SMG6: variants seen among roughly 807,000 people sequenced by gnomAD.
SMG6 encodes the protein telomerase-binding protein EST1A.
In SMG6, 66 loss-of-function variants were observed where a neutral mutation model predicts 142.2. The ratio of observed to expected loss-of-function variants is 0.46; its 90% CI spans 0.38 to 0.57. The LOEUF is 0.57. Among genes scored for constraint, SMG6 ranks in the 20% least tolerant of loss-of-function variants. SMG6 has a pLI of 0.00. For missense variants in SMG6, 1,793 were observed against 1,832.0 expected (o/e 0.98, Z 0.39); for synonymous variants, 779 against 702.4 (o/e 1.11, Z -1.72).
intron 13 of SMG6, among the ~76,000 whole-genome samples, chr17:2,156,775 C>T (rs916458348): frequency 3.9e-5 from 6 of 152,222 alleles, no homozygotes; most frequent in Non-Finnish European, 5.9e-5. Context: ...CCACTTCAGC[C>T]TCCAAGTAGC....
chr17:2,136,579 T>C (rs1464798002), intron 13 of SMG6, among the ~76,000 whole-genome samples: 3 of 152,118 alleles, frequency 2.0e-5, no homozygotes, highest in African/African-American at 7.2e-5. Context: ...TAGACACATA[T>C]GTTCAACACA....
intron 10 of SMG6, chr17:2,236,109 T>C (rs2073643342): frequency 6.4e-6 from 1 of 157,146 alleles, no homozygotes. Context: ...AAACAGCTAT[T>C]CCCAATCCCT....
In SMG6 at chr17:2,219,806, A is replaced by T. The variant is rs1177014501; in HGVS notation, c.2869+16686T>A. Among the ~76,000 whole-genome samples the T allele has an allele frequency of 1.3e-3, 77 of 59,794 alleles. No homozygotes were observed. In the South Asian group the frequency reaches 0.03, roughly 23 times the overall value. The allele number at this position is 59,794 out of a possible 152,430, so 39.2% of individuals were successfully genotyped here. Reference sequence around the variant, plus strand: ...GACACAGAACAAGACCCTTTATCAAAAAAAAAAAAAAAAAAGAAAAGAAAA... The same window carrying T: ...GACACAGAACAAGACCCTTTATCAATAAAAAAAAAAAAAAAGAAAAGAAAA... On this transcript the variant is annotated intron_variant, in intron 10 of 18. Coordinates refer to ENST00000263073, the MANE Select transcript of SMG6 (RefSeq NM_017575.5).
chr17:2,249,034 C>T (rs1567716791), intron 8 of SMG6, among the ~76,000 whole-genome samples: 1 of 151,820 alleles, frequency 6.6e-6, no homozygotes, highest in East Asian at 1.9e-4. Flanking sequence ...CTACAGGCGC[C>T]CGCCACCACG....
intron 8 of SMG6, among the ~76,000 whole-genome samples, chr17:2,258,716 T>C (rs551695458): frequency 1.3e-5 from 2 of 151,386 alleles, no homozygotes; most frequent in African/African-American, 4.9e-5. Flanking sequence ...GAGGATTGCT[T>C]GAGCCCAGGA....
At position 2,061,167 on chromosome 17, in the gene SMG6, A is replaced by G. The variant is rs765427630; in HGVS notation, c.*325T>C. 6 of 249,762 alleles carry G rather than the reference A, an allele frequency of 2.4e-5. No homozygotes were observed. The highest frequency in any genetic ancestry group is 8.9e-5 in the African/African-American group (4 of 44,848). The allele number at this position is 249,762 out of a possible 1,614,324, so 15.5% of individuals were successfully genotyped here. A position where few individuals can be genotyped will look rare whatever the true frequency, so the allele number is the denominator to read the frequency against. ...TCCCCAGGCGAGAAGGCCCTCCCTC[A>G]GCCTTGGAATGAGACGGGGGAGGGA... On this transcript the variant is annotated 3_prime_UTR_variant, in exon 19 of 19. Coordinates refer to ENST00000263073, the MANE Select transcript of SMG6 (RefSeq NM_017575.5).
chr17:2,205,309 T>C (rs1567681731), intron 10 of SMG6, among the ~76,000 whole-genome samples: 1 of 152,138 alleles, frequency 6.6e-6, no homozygotes, highest in Non-Finnish European at 1.5e-5. Context: ...CCTCAAGTGA[T>C]CCGTCCATCT....
intron 13 of SMG6, among the ~76,000 whole-genome samples, chr17:2,108,118 C>A (rs912672235): frequency 6.6e-6 from 1 of 151,760 alleles, no homozygotes; most frequent in Non-Finnish European, 1.5e-5. Flanking sequence ...ATAATGGCAA[C>A]AGCTAAGTGG....
chr17:2,149,468 C>G (rs751390498), intron 13 of SMG6, among the ~76,000 whole-genome samples: 5 of 151,812 alleles, frequency 3.3e-5, no homozygotes, highest in African/African-American at 4.8e-5. Flanking sequence ...ATCTCTCTTC[C>G]TAACTCCTCA....
rs144178335 is a variant in SMG6, at chr17:2,164,798, G to A, written c.3357+7860C>T. Reference sequence around the variant, plus strand: ...CTAAAAACACAAAAATTAGCCAGGCGTGGTGACGCGTGCCTGTAGTCCCAG... The same window carrying A: ...CTAAAAACACAAAAATTAGCCAGGCATGGTGACGCGTGCCTGTAGTCCCAG... On this transcript the variant is annotated intron_variant, in intron 13 of 18. Transcript: ENST00000263073. Among the ~76,000 whole-genome samples, 27 of 151,834 alleles carry A rather than the reference G, an allele frequency of 1.8e-4. No individual in the cohort carries two copies. The East Asian group carries it at 4.5e-3, about 25-fold the overall frequency.
chr17:2,168,372 G>A (rs182215285), intron 13 of SMG6, among the ~76,000 whole-genome samples: 4 of 151,820 alleles, frequency 2.6e-5, no homozygotes, highest in South Asian at 2.1e-4. Context: ...TAGTAGAGAC[G>A]GGATTTCACT....
intron 10 of SMG6, among the ~76,000 whole-genome samples, chr17:2,200,712 T>G (rs1236036564): frequency 6.6e-6 from 1 of 152,036 alleles, no homozygotes; most frequent in Non-Finnish European, 1.5e-5. Context: ...TAATTTAATT[T>G]TATTTATTTA....
At chr17:2,149,525 G>A (rs1237485247) in intron 13 of SMG6, among the ~76,000 whole-genome samples, 1 of 152,068 alleles carries the variant, frequency 6.6e-6, no homozygotes, top group African/African-American at 2.4e-5. Flanking sequence ...TTCTGGTATT[G>A]ACAACACAAG....
rs907648392 is a variant in SMG6 at position 2,085,163 on chromosome 17, G to A, written c.3534+562C>T. ...ACACAGACGCGCACACACACACACAGACACACACACACGAGTCTGGAGTGA... is the reference window on the plus strand; with the variant it reads ...ACACAGACGCGCACACACACACACAAACACACACACACGAGTCTGGAGTGA... On this transcript the variant is annotated intron_variant, in intron 14 of 18. Transcript: ENST00000263073. The surrounding 1 kb of genome is among the most constrained non-coding windows in gnomAD (Gnocchi z 4.1). 1.1e-4 allele frequency among the ~76,000 whole-genome samples: 16 copies of A among 151,640 alleles called. No homozygotes were observed. Among genetic ancestry groups the A allele is most frequent in the African/African-American group, 3.9e-4 (16 of 41,240 alleles).
intron 13 of SMG6, among the ~76,000 whole-genome samples, chr17:2,139,547 A>C (rs1567629589): frequency 6.7e-6 from 1 of 150,026 alleles, no homozygotes; most frequent in Non-Finnish European, 1.5e-5. Flanking sequence ...TCAACTTCCC[A>C]AGGAGCTGGG....
chr17:2,169,804 C>T (rs1332031972), intron 13 of SMG6, among the ~76,000 whole-genome samples: 1 of 152,014 alleles, frequency 6.6e-6, no homozygotes, highest in Non-Finnish European at 1.5e-5. Flanking sequence ...AGGTTTTGAA[C>T]TAAGAAATGA....
chr17:2,254,160 C>T (rs554486846), intron 8 of SMG6, among the ~76,000 whole-genome samples: 20 of 152,328 alleles, frequency 1.3e-4, no homozygotes, highest in African/African-American at 4.8e-4. Flanking sequence ...TGCCTCATCT[C>T]TCTCATGCCT....
intron 10 of SMG6, among the ~76,000 whole-genome samples, chr17:2,219,940 G>C (rs975291648): frequency 6.6e-6 from 1 of 151,956 alleles, no homozygotes; most frequent in African/African-American, 2.4e-5. Flanking sequence ...TTATTTATTT[G>C]AGACAGGGTC....
chr17:2,122,268 G>A (rs1413151689), intron 13 of SMG6: 1 of 152,122 alleles, frequency 6.6e-6, no homozygotes. Context: ...TGAGCTCACT[G>A]GAGAATGTTC....
Sources: allele counts gnomAD v4.1 joint callset (sites outside exome capture counted in the v4.1 genomes callset), GRCh38; gene constraint gnomAD v4.1.1; non-coding constraint Gnocchi (gnomAD v3.1); transcripts MANE v1.5; gene names NCBI Gene and HGNC (gene_info 2026-07-23, HGNC 2026-07-21).